Variants in ITPR1 observed in about 807,000 individuals in gnomAD.
The protein encoded by ITPR1 is inositol 1,4,5-trisphosphate-gated calcium channel ITPR1.
A neutral mutation model predicts 318.4 loss-of-function variants in ITPR1; 96 were observed. The observed-to-expected ratio is 0.30, with a 90% CI of 0.26 to 0.36. ITPR1 has a LOEUF of 0.36. Ranked by LOEUF, ITPR1 falls within the 10% of genes least tolerant of loss-of-function variation. The pLI is 1.00. For synonymous variants in ITPR1, 1,312 were observed against 1,289.9 expected (o/e 1.02, Z -0.37); for missense variants, 2,440 against 3,460.2 (o/e 0.71, Z 7.40).
rs374315683 is a variant in ITPR1 at position 4,842,956 on chromosome 3, C to G, written c.8191-3183C>G. Among the ~76,000 whole-genome samples the G allele has an allele frequency of 1.7e-4, 26 of 151,850 alleles. No homozygotes were observed. The South Asian group carries it at 2.5e-3, about 15-fold the overall frequency. On this transcript the variant is annotated intron_variant, in intron 61 of 61. Transcript: ENST00000649015. ...AGGTAAGTAGATAAGAAGAATTGAACTAATAAAACCAGAAATTATGTGAGA... is the reference window on the plus strand; with the variant it reads ...AGGTAAGTAGATAAGAAGAATTGAAGTAATAAAACCAGAAATTATGTGAGA...
At chr3:4,832,191 G>T (rs868605167) in intron 60 of ITPR1, among the ~76,000 whole-genome samples, 2 of 152,090 alleles carry the variant, frequency 1.3e-5, no homozygotes, top group Non-Finnish European at 1.5e-5. Context: ...TCGTAGCCCA[G>T]CTTTTCATTA....
chr3:4,692,332 G>A (rs1184453307), intron 32 of ITPR1, among the ~76,000 whole-genome samples: 2 of 152,136 alleles, frequency 1.3e-5, no homozygotes, highest in Non-Finnish European at 2.9e-5. Flanking sequence ...AGATAATGGT[G>A]ACATTAATGC....
intron 4 of ITPR1, among the ~76,000 whole-genome samples, chr3:4,540,850 A>T (rs1389125432): frequency 6.6e-6 from 1 of 152,180 alleles, no homozygotes; most frequent in Non-Finnish European, 1.5e-5. Context: ...TACTGGGATT[A>T]CAGATGTGAG....
Position 4,806,164 on chromosome 3 carries a change from G to C in ITPR1, c.7169G>C (p.Gly2390Ala). The change falls in exon 55 of 62, where the codon GGC (glycine) becomes GCC (alanine). Residue 2390 changes from glycine (G) to alanine (A), a missense_variant. Physicochemically the swap from Gly to Ala is moderately conservative, Grantham distance 60. Coordinates refer to ENST00000649015, the MANE Select transcript of ITPR1 (RefSeq NM_001378452.1). ...FVGNCGTFTR[G>A]YRAMVLDVEF... is the part of the protein sequence containing the mutation. ...GGCAACTGTGGGACATTCACAAGAG[G>C]CTACCGAGCCATGGTTCTGGATGTT... The C allele has an allele frequency of 6.2e-7, 1 of 1,613,782 alleles. No individual in the cohort carries two copies. Among genetic ancestry groups the C allele is most frequent in the Non-Finnish European group, 8.5e-7 (1 of 1,179,702 alleles).
chr3:4,604,791 G>T (rs1276725637), intron 4 of ITPR1, among the ~76,000 whole-genome samples: 1 of 152,052 alleles, frequency 6.6e-6, no homozygotes, highest in East Asian at 1.9e-4. Flanking sequence ...GCAGAGAGAG[G>T]CCTCTAGCAA....
intron 2 of ITPR1, among the ~76,000 whole-genome samples, chr3:4,509,721 TG>T (rs1399698526): frequency 6.6e-6 from 1 of 152,168 alleles, no homozygotes; most frequent in Non-Finnish European, 1.5e-5. Flanking sequence ...CACTTGAGCC[TG>T]GGAGGTCAAG....
intron 44 of ITPR1, among the ~76,000 whole-genome samples, chr3:4,739,967 T>C (rs1018578812): frequency 1.8e-4 from 28 of 152,178 alleles, no homozygotes; most frequent in African/African-American, 5.8e-4. Flanking sequence ...TGAGAAACAG[T>C]GTTTCAAGAA....
At chr3:4,707,799 A>G (rs541435334) in intron 37 of ITPR1, among the ~76,000 whole-genome samples, 2 of 152,182 alleles carry the variant, frequency 1.3e-5, no homozygotes, top group Admixed American at 1.3e-4. Context: ...GTTTACTGCT[A>G]TGATTGTAAT....
chr3:4,549,243 A>G (rs6792272), intron 4 of ITPR1, among the ~76,000 whole-genome samples: 35,040 of 152,140 alleles, frequency 0.23, 4,431 homozygotes, highest in African/African-American at 0.32. Flanking sequence ...TGACAGGGGT[A>G]TTTAGTAATC....
At chr3:4,548,280 A>G (rs995076721) in intron 4 of ITPR1, among the ~76,000 whole-genome samples, 5 of 152,224 alleles carry the variant, frequency 3.3e-5, no homozygotes, top group Non-Finnish European at 7.3e-5. Flanking sequence ...ACTGCATTCA[A>G]ACATCAAGTT....
At chr3:4,655,147 A>T (rs949324611) in intron 12 of ITPR1, among the ~76,000 whole-genome samples, 1 of 152,172 alleles carries the variant, frequency 6.6e-6, no homozygotes, top group Admixed American at 6.5e-5. Flanking sequence ...GAGGGACGTC[A>T]TGTTTCACAG....
chr3:4,754,643 T>C (rs928738590), intron 44 of ITPR1, among the ~76,000 whole-genome samples: 1 of 152,204 alleles, frequency 6.6e-6, no homozygotes. Flanking sequence ...AGCCCTCTGA[T>C]TCCTTGGACA....
intron 55 of ITPR1, 40 bp from the exon 56 acceptor site, chr3:4,811,225 C>A: frequency 7.0e-7 from 1 of 1,424,974 alleles, no homozygotes; most frequent in Non-Finnish European, 9.4e-7. Context: ...GTACATCTAA[C>A]ATCAAGGCTT....
intron 10 of ITPR1, 102 bp downstream of exon 10, chr3:4,645,830 C>G: frequency 3.6e-5 from 36 of 1,007,380 alleles, no homozygotes; most frequent in Non-Finnish European, 5.2e-5. Flanking sequence ...ATACATATAC[C>G]TATATGTGTC....
intron 12 of ITPR1, among the ~76,000 whole-genome samples, chr3:4,654,243 A>G (rs2093656640): frequency 6.6e-6 from 1 of 152,178 alleles, no homozygotes; most frequent in South Asian, 2.1e-4. Context: ...TGTTGACCTC[A>G]ATCCATGACT....
At chr3:4,780,789 G>C (rs1021623348) in intron 49 of ITPR1, among the ~76,000 whole-genome samples, 1 of 152,190 alleles carries the variant, frequency 6.6e-6, no homozygotes, top group Admixed American at 6.5e-5. Flanking sequence ...GGCGAGGTTT[G>C]TCATTCTTGA....
At chr3:4,621,338 G>T (rs116001351) in intron 4 of ITPR1, among the ~76,000 whole-genome samples, 1 of 152,020 alleles carries the variant, frequency 6.6e-6, no homozygotes, top group Non-Finnish European at 1.5e-5. Context: ...GATCAAGGTG[G>T]GAGGTGCCAC....
chr3:4,569,476 A>G (rs1029560648), intron 4 of ITPR1, among the ~76,000 whole-genome samples: 1 of 152,230 alleles, frequency 6.6e-6, no homozygotes, highest in Non-Finnish European at 1.5e-5. Flanking sequence ...TTGAGCGTCA[A>G]CAAACAAAAC....
At chr3:4,820,378 G>T (rs971570785) in intron 60 of ITPR1, among the ~76,000 whole-genome samples, 8 of 152,092 alleles carry the variant, frequency 5.3e-5, no homozygotes, top group African/African-American at 1.9e-4. Context: ...TCTTCCAGGG[G>T]CCAGTTTTGA....
Sources: gnomAD v4.1 joint callset for allele counts (sites outside exome capture counted in the v4.1 genomes callset) on GRCh38, gnomAD v4.1.1 for gene constraint, MANE v1.5 for transcripts, NCBI Gene and HGNC (gene_info 2026-07-23, HGNC 2026-07-21) for gene names.